The following SHANK2 variants were observed in gnomAD, a reference collection of about 807,000 sequenced individuals.
The protein encoded by SHANK2 is SH3 and multiple ankyrin repeat domains protein 2.
In SHANK2, 43 loss-of-function variants were observed where a neutral mutation model predicts 133.7. That is an observed-to-expected ratio of 0.32 (90% confidence interval 0.25 to 0.41). SHANK2 has a LOEUF of 0.41. SHANK2 is among the 10% of genes least tolerant of loss of function. SHANK2 has a pLI of 1.00. For missense variants in SHANK2, 1,994 were observed against 2,235.8 expected (o/e 0.89, Z 2.18); for synonymous variants, 1,017 against 952.8 (o/e 1.07, Z -1.24).
chr11:70,517,566 C>A (rs969822063), intron 17 of SHANK2, among the ~76,000 whole-genome samples: 1 of 152,162 alleles, frequency 6.6e-6, no homozygotes, highest in African/African-American at 2.4e-5. Context: ...GGAAGGCCTG[C>A]AGGAAGCTTA....
At chr11:71,110,682 A>C (rs1318377518) in intron 5 of SHANK2, among the ~76,000 whole-genome samples, 4 of 152,174 alleles carry the variant, frequency 2.6e-5, no homozygotes, top group African/African-American at 9.6e-5. Flanking sequence ...GGTGCACCAC[A>C]AGCCCTGAGG....
intron 17 of SHANK2, among the ~76,000 whole-genome samples, chr11:70,565,011 C>G (rs1421849732): frequency 6.6e-6 from 1 of 152,206 alleles, no homozygotes; most frequent in Non-Finnish European, 1.5e-5. Flanking sequence ...TCTGCTAACT[C>G]TAACATCGGT....
intron 2 of SHANK2, among the ~76,000 whole-genome samples, chr11:71,192,436 A>G (rs1398840393): frequency 1.3e-5 from 2 of 152,142 alleles, no homozygotes; most frequent in African/African-American, 4.8e-5. Flanking sequence ...CTGCTACTTT[A>G]TGTCAGAATC....
chr11:70,495,621 G>T (rs946915495), intron 21 of SHANK2, among the ~76,000 whole-genome samples: 1 of 152,186 alleles, frequency 6.6e-6, no homozygotes, highest in East Asian at 1.9e-4. Context: ...AGGGCACTGC[G>T]GGGTGGGGAT....
intron 2 of SHANK2, among the ~76,000 whole-genome samples, chr11:71,184,650 A>G (rs1048917514): frequency 2.6e-5 from 4 of 152,146 alleles, no homozygotes; most frequent in Non-Finnish European, 4.4e-5. Flanking sequence ...TTATGTTTTT[A>G]CTGACCCATG....
At chr11:71,141,744 C>T (rs1456966251) in intron 3 of SHANK2, among the ~76,000 whole-genome samples, 2 of 152,106 alleles carry the variant, frequency 1.3e-5, no homozygotes, top group African/African-American at 2.4e-5. Context: ...CTCTCCCAGC[C>T]CTGGGCCTGC....
intron 14 of SHANK2, among the ~76,000 whole-genome samples, chr11:70,762,492 G>A (rs1414055616): frequency 2.6e-5 from 4 of 152,172 alleles, no homozygotes; most frequent in African/African-American, 9.7e-5. Context: ...CATGGTGAGA[G>A]TCTTCCACCA....
chr11:70,603,861 G>A (rs2060534949), intron 17 of SHANK2: 1 of 152,768 alleles, frequency 6.5e-6, no homozygotes, highest in Non-Finnish European at 1.5e-5. Context: ...CGATGCCCTG[G>A]TGGTGGCCGC....
At chr11:70,823,285 T>C (rs190223527) in intron 11 of SHANK2, among the ~76,000 whole-genome samples, 62 of 117,740 alleles carry the variant, frequency 5.3e-4, no homozygotes, top group Admixed American at 9.3e-4. Context: ...GAGGTGGCGC[T>C]GGCAGAGTTC....
intron 8 of SHANK2, among the ~76,000 whole-genome samples, chr11:71,075,874 C>G (rs996245406): frequency 6.6e-6 from 1 of 152,236 alleles, no homozygotes; most frequent in Admixed American, 6.5e-5. Flanking sequence ...TCTCTGAGAA[C>G]TGCAACATGT....
intron 8 of SHANK2, among the ~76,000 whole-genome samples, chr11:71,085,666 A>ATATTATAATATATATAATATAT (rs1951379147): frequency 5.5e-5 from 1 of 18,090 alleles, no homozygotes; most frequent in African/African-American, 1.1e-4. Flanking sequence ...ATTATATTAT[A>ATATTATAATATATATAATATAT]TATGTTATAT....
At chr11:71,239,890 G>A (rs533796546) in intron 1 of SHANK2, among the ~76,000 whole-genome samples, 8 of 152,284 alleles carry the variant, frequency 5.3e-5, no homozygotes, top group Admixed American at 5.2e-4. Flanking sequence ...AGGCCACTAA[G>A]CCCACCAGGC....
chr11:71,061,932 TG>T lies in SHANK2; in HGVS notation c.1030-5375del, dbSNP rs1346761517. ...AAATTTCCCGTCAAATCACCCCCAG[TG>T]GGATCCTGTTATTTCCAACTCCAAA... On this transcript the variant is annotated intron_variant, in intron 9 of 25. Coordinates refer to ENST00000601538, the MANE Select transcript of SHANK2 (RefSeq NM_012309.5). Among the ~76,000 whole-genome samples, 11 of 151,092 alleles carry T rather than the reference TG, an allele frequency of 7.3e-5. No individual in the cohort carries two copies. In the East Asian group the frequency reaches 2.0e-3, roughly 27 times the overall value.
chr11:70,521,673 GGTGA>G (rs1187452192), intron 17 of SHANK2, among the ~76,000 whole-genome samples: 6 of 152,014 alleles, frequency 3.9e-5, no homozygotes, highest in South Asian at 2.1e-4. Flanking sequence ...CATGTGTGTG[GGTGA>G]GTGTGAGCAT....
chr11:70,847,328 A>G (rs1400233905), intron 11 of SHANK2, among the ~76,000 whole-genome samples: 1 of 152,102 alleles, frequency 6.6e-6, no homozygotes, highest in Non-Finnish European at 1.5e-5. Flanking sequence ...TTCTAATGAG[A>G]CGGGGTCCCC....
rs10590898 is a variant in SHANK2 at position 70,483,536 on chromosome 11, C to CA, written c.4979+1777dup. Among the ~76,000 whole-genome samples the CA allele has an allele frequency of 2.6e-3, 118 of 44,532 alleles. 1 individual carries two copies. Among genetic ancestry groups the CA allele is most frequent in the African/African-American group, 4.5e-3 (52 of 11,542 alleles). 29.2% of individuals were successfully genotyped at this position (44,532 alleles called of 152,430 possible). Reference sequence around the variant, plus strand: ...ACACATGGTGAGACCTCATCTCTACCAAAAAAAAAAAAAAAAAAAAAAAAA... The same window carrying CA: ...ACACATGGTGAGACCTCATCTCTACCAAAAAAAAAAAAAAAAAAAAAAAAAA... On this transcript the variant is annotated intron_variant, in intron 25 of 25. Transcript: ENST00000601538.
intron 17 of SHANK2, among the ~76,000 whole-genome samples, chr11:70,656,213 T>A (rs1031675175): frequency 1.3e-5 from 2 of 152,144 alleles, no homozygotes; most frequent in African/African-American, 4.8e-5. Flanking sequence ...TTCAGCAAAC[T>A]CTTATGGCAG....
intron 15 of SHANK2, among the ~76,000 whole-genome samples, chr11:70,683,624 G>A (rs995108269): frequency 3.3e-5 from 5 of 152,264 alleles, no homozygotes; most frequent in Admixed American, 6.5e-5. Flanking sequence ...TCAAGGCATC[G>A]GCAGGGCCAC....
At chr11:70,649,054 C>T (rs1405384352) in intron 17 of SHANK2, among the ~76,000 whole-genome samples, 3 of 152,108 alleles carry the variant, frequency 2.0e-5, no homozygotes, top group African/African-American at 4.8e-5. Flanking sequence ...TGGCACATTC[C>T]GGAGACCAGA....
Sources: allele counts gnomAD v4.1 joint callset (sites outside exome capture counted in the v4.1 genomes callset), GRCh38; gene constraint gnomAD v4.1.1; transcripts MANE v1.5; gene names NCBI Gene and HGNC (gene_info 2026-07-23, HGNC 2026-07-21).